The following AMOTL1 variants were observed in gnomAD, a reference collection of about 807,000 sequenced individuals.
AMOTL1 encodes the protein angiomotin-like protein 1.
In AMOTL1, 45 loss-of-function variants were observed where a neutral mutation model predicts 102.9. The observed-to-expected ratio is 0.44, with a 90% CI of 0.34 to 0.56. The LOEUF is 0.56. AMOTL1 is among the 20% of genes least tolerant of loss of function. The pLI is 0.01. For synonymous variants in AMOTL1, 481 were observed against 484.7 expected (o/e 0.99, Z 0.10); for missense variants, 1,114 against 1,225.6 (o/e 0.91, Z 1.36).
chr11:94,707,209 A>C (rs537785496), intron 1 of AMOTL1, among the ~76,000 whole-genome samples: 7 of 145,078 alleles, frequency 4.8e-5, no homozygotes, highest in African/African-American at 1.5e-4. Flanking sequence ...GAAAATATAC[A>C]TGAGGTCTCT....
chr11:94,760,353 G>T (rs1307146793), intron 3 of AMOTL1, among the ~76,000 whole-genome samples: 1 of 152,144 alleles, frequency 6.6e-6, no homozygotes, highest in Non-Finnish European at 1.5e-5. Flanking sequence ...ATAGAAAGGG[G>T]CCATTCCCAG....
chr11:94,819,939 GGAC>G (rs561756830), intron 3 of AMOTL1, among the ~76,000 whole-genome samples: 261 of 152,240 alleles, frequency 1.7e-3, no homozygotes, highest in Non-Finnish European at 3.0e-3. Flanking sequence ...TTAGGAATGG[GGAC>G]GGGGATGGAA....
At chr11:94,802,901 G>A (rs1309969053) in intron 3 of AMOTL1, among the ~76,000 whole-genome samples, 1 of 152,226 alleles carries the variant, frequency 6.6e-6, no homozygotes, top group Admixed American at 6.5e-5. Context: ...GACAAGTAGG[G>A]CCCCTTTCAT....
In AMOTL1 at chr11:94,815,042, A is replaced by G. The variant is rs572629682; in HGVS notation, c.1122-6488A>G. Among the ~76,000 whole-genome samples, 14 of 152,330 alleles carry G rather than the reference A, an allele frequency of 9.2e-5. No individual in the cohort carries two copies. The East Asian group carries it at 2.7e-3, about 29-fold the overall frequency. ...AGCCACCAGAAAAAAGTAGACTTTG[A>G]GCCAAATGCTTTTTCAAGTTTATGT... On this transcript the variant is annotated intron_variant, in intron 3 of 12. Coordinates refer to ENST00000433060, the MANE Select transcript of AMOTL1 (RefSeq NM_130847.3).
At chr11:94,748,292 T>C (rs1044947954) in intron 3 of AMOTL1, among the ~76,000 whole-genome samples, 10 of 152,360 alleles carry the variant, frequency 6.6e-5, no homozygotes, top group Admixed American at 1.3e-4. Flanking sequence ...CTGTTTCAGC[T>C]TCTACTATCA....
rs1952997067 is a variant in AMOTL1 at position 94,871,571 on chromosome 11, C to T, written c.*776C>T. The stretch of plus-strand genomic sequence containing the variant: ...TCCTTAGGTATGGGATTTATGAGAC[C>T]AGTACCTGAACTGTCATCATTCCTA... On this transcript the variant is annotated 3_prime_UTR_variant, in exon 13 of 13. Transcript: ENST00000433060. The T allele has an allele frequency of 6.6e-6, 1 of 151,960 alleles. No individual in the cohort carries two copies. The highest frequency in any genetic ancestry group is 2.1e-4 in the South Asian group (1 of 4,804). 9.4% of individuals were successfully genotyped at this position (151,960 alleles called of 1,614,324 possible). A position where few individuals can be genotyped will look rare whatever the true frequency, so the allele number is the denominator to read the frequency against.
At chr11:94,835,447 A>G (rs762523940) in intron 6 of AMOTL1, among the ~76,000 whole-genome samples, 19 of 152,234 alleles carry the variant, frequency 1.2e-4, no homozygotes, top group Non-Finnish European at 1.8e-4. Context: ...GAAACTTTTT[A>G]AAACTGTTTC....
intron 6 of AMOTL1, among the ~76,000 whole-genome samples, chr11:94,849,723 A>G (rs1183645114): frequency 2.0e-5 from 3 of 152,120 alleles, no homozygotes; most frequent in African/African-American, 7.2e-5. Flanking sequence ...GAATATTAAT[A>G]TTATTATTAA....
intron 3 of AMOTL1, among the ~76,000 whole-genome samples, chr11:94,760,929 A>C (rs557156205): frequency 6.6e-6 from 1 of 151,592 alleles, no homozygotes; most frequent in African/African-American, 2.4e-5. Context: ...CACCTGGTCA[A>C]TTTTTTATTT....
rs554393016 is a variant in AMOTL1 at position 94,806,332 on chromosome 11, TC to T, written c.1121+6023del. On this transcript the variant is annotated intron_variant, in intron 3 of 12. Transcript: ENST00000433060. ...TATTACAAGAAAGAAGGTTTGATGG[TC>T]CTGTCTTACTTTGTGTTGGACATGG... Among the ~76,000 whole-genome samples, 10 of 152,362 alleles carry T rather than the reference TC, an allele frequency of 6.6e-5. No individual in the cohort carries two copies. In the South Asian group the frequency reaches 2.1e-3, roughly 32 times the overall value.
chr11:94,795,240 A>G (rs1025073153), intron 2 of AMOTL1, 80 bp downstream of exon 2: 173 of 1,508,184 alleles, frequency 1.1e-4, no homozygotes, highest in Admixed American at 7.3e-4. Flanking sequence ...TGCATAATTC[A>G]GATGTTTATT....
intron 2 of AMOTL1, among the ~76,000 whole-genome samples, chr11:94,736,411 C>T (rs181607901): frequency 3.3e-5 from 5 of 152,224 alleles, no homozygotes; most frequent in African/African-American, 1.2e-4. Flanking sequence ...GCCTCCACAC[C>T]CAGCTAATTT....
rs150672903 is a variant in AMOTL1 at position 94,776,800 on chromosome 11, C to T, written c.49+8240C>T. ...AACCAAGTGTTTTGTGAGCAAGCCT[C>T]CTCTATCTGCTGGTCTTGGGAAAAG... On this transcript the variant is annotated intron_variant, in intron 1 of 12. Transcript: ENST00000433060. 7.9e-5 allele frequency among the ~76,000 whole-genome samples: 12 copies of T among 152,280 alleles called. No homozygotes were observed. The East Asian group carries it at 2.3e-3, about 29-fold the overall frequency.
intron 9 of AMOTL1, among the ~76,000 whole-genome samples, chr11:94,862,007 ACC>A (rs1257222132): frequency 6.6e-6 from 1 of 152,024 alleles, no homozygotes; most frequent in African/African-American, 2.4e-5. Context: ...AATGACTCTT[ACC>A]CCAGAGAACA....
chr11:94,854,462 T>C (rs1044607687), intron 8 of AMOTL1, among the ~76,000 whole-genome samples: 13 of 152,246 alleles, frequency 8.5e-5, no homozygotes, highest in African/African-American at 3.1e-4. Flanking sequence ...ACATAGCACG[T>C]CCAGGGTAGC....
chr11:94,794,952 C>G, intron 1 of AMOTL1, 59 bp from the exon 2 acceptor site: 1 of 1,517,450 alleles, frequency 6.6e-7, no homozygotes, highest in Non-Finnish European at 8.8e-7. Context: ...TTGTGAGTCA[C>G]ACAGGAAGGA....
In AMOTL1 at chr11:94,748,491, G is replaced by C. The variant is rs541847462; in HGVS notation, c.136+7503G>C. Among the ~76,000 whole-genome samples, 4 of 152,232 alleles carry C rather than the reference G, an allele frequency of 2.6e-5. No homozygotes were observed. The South Asian group carries it at 6.2e-4, about 24-fold the overall frequency. On this transcript the variant is annotated intron_variant, in intron 3 of 4. Transcript: ENST00000299004. Reference sequence around the variant, plus strand: ...GGAGTCTATTATCAGAGAATAGCTGGGTAGGGTACAGGGAGAAAGAGATGC... The same window carrying C: ...GGAGTCTATTATCAGAGAATAGCTGCGTAGGGTACAGGGAGAAAGAGATGC...
intron 1 of AMOTL1, among the ~76,000 whole-genome samples, chr11:94,713,718 T>C (rs1378301189): frequency 2.0e-5 from 3 of 151,988 alleles, no homozygotes; most frequent in South Asian, 2.1e-4. Flanking sequence ...ATTTTTATGT[T>C]AATATTAAAT....
intron 3 of AMOTL1, among the ~76,000 whole-genome samples, chr11:94,801,647 C>T (rs762847455): frequency 6.6e-6 from 1 of 151,884 alleles, no homozygotes; most frequent in African/African-American, 2.4e-5. Context: ...AATAGAGGAG[C>T]ATTATGTGCT....
Sources: allele counts gnomAD v4.1 joint callset (sites outside exome capture counted in the v4.1 genomes callset), GRCh38; gene constraint gnomAD v4.1.1; transcripts MANE v1.5; gene names NCBI Gene and HGNC (gene_info 2026-07-23, HGNC 2026-07-21).